The following SMG6 variants were observed in gnomAD, a reference collection of about 807,000 sequenced individuals.
SMG6 encodes SMG6 nonsense mediated mRNA decay factor.
SMG6 carries 66 observed loss-of-function variants against 142.2 expected under a neutral mutation model. That is an observed-to-expected ratio of 0.46 (90% CI 0.38 to 0.57). The LOEUF is 0.57. Ranked by LOEUF, SMG6 falls within the 20% of genes least tolerant of loss-of-function variation. The probability of loss-of-function intolerance (pLI) is 0.00; values close to 1 mark genes in which losing one functional copy is unlikely to be tolerated. For missense variants in SMG6, 1,793 were observed against 1,832.0 expected, an observed-to-expected ratio of 0.98 and a Z score of 0.39; for synonymous variants, 779 against 702.4, an observed-to-expected ratio of 1.11 and a Z score of -1.72.
intron 13 of SMG6, chr17:2,088,709 A>G: frequency 1.0e-6 from 1 of 985,432 alleles, no homozygotes; most frequent in Non-Finnish European, 1.2e-6. Context: ...GGGAGTGAGA[A>G]GTGCACAGTC....
intron 10 of SMG6, among the ~76,000 whole-genome samples, chr17:2,191,016 A>T (rs1212645614): frequency 6.6e-6 from 1 of 152,232 alleles, no homozygotes; most frequent in African/African-American, 2.4e-5. Flanking sequence ...TCCATGGCTC[A>T]GTAGTACCTC....
At chr17:2,124,938 T>G (rs748537755) in intron 13 of SMG6, among the ~76,000 whole-genome samples, 1 of 152,166 alleles carries the variant, frequency 6.6e-6, no homozygotes, top group Non-Finnish European at 1.5e-5. Flanking sequence ...GCTGTTCCCA[T>G]GAGAACCCCA....
intron 8 of SMG6, among the ~76,000 whole-genome samples, chr17:2,282,009 A>C (rs1478378813): frequency 6.6e-6 from 1 of 152,244 alleles, no homozygotes; most frequent in African/African-American, 2.4e-5. Flanking sequence ...TGTGCACCCC[A>C]AAAACAGAAG....
intron 12 of SMG6, among the ~76,000 whole-genome samples, chr17:2,179,673 G>A (rs1000880495): frequency 6.6e-6 from 1 of 152,104 alleles, no homozygotes; most frequent in African/African-American, 2.4e-5. Context: ...AGAATGCGAA[G>A]GTCTGGGCAG....
intron 15 of SMG6, among the ~76,000 whole-genome samples, chr17:2,075,529 G>C (rs2068233518): frequency 6.6e-6 from 1 of 152,228 alleles, no homozygotes; most frequent in Non-Finnish European, 1.5e-5. Flanking sequence ...AGGCAGTGAG[G>C]AAGCGGGGGA....
At chr17:2,087,053 C>G in intron 13 of SMG6, 1 of 1,290,502 alleles carries the variant, frequency 7.7e-7, no homozygotes, top group Non-Finnish European at 1.0e-6. Context: ...CTTCTATCTG[C>G]AGCACATAGG....
chr17:2,170,738 A>G (rs2071478472), intron 13 of SMG6, among the ~76,000 whole-genome samples: 1 of 152,222 alleles, frequency 6.6e-6, no homozygotes, highest in African/African-American at 2.4e-5. Context: ...TGAGTTTTTG[A>G]TATATCAATG....
chr17:2,075,098 T>C (rs1334920818), intron 15 of SMG6, among the ~76,000 whole-genome samples: 16 of 152,202 alleles, frequency 1.1e-4, no homozygotes, highest in Non-Finnish European at 2.4e-4. Context: ...GGCCTGGTGC[T>C]GTGCTGGCTC....
chr17:2,185,419 A>G (rs573449416), intron 12 of SMG6, among the ~76,000 whole-genome samples: 9 of 152,168 alleles, frequency 5.9e-5, no homozygotes, highest in Non-Finnish European at 8.8e-5. Context: ...GGGGTTCCAC[A>G]ACACTCTGTA....
chr17:2,254,020 A>T (rs1358846945), intron 8 of SMG6, among the ~76,000 whole-genome samples: 1 of 152,220 alleles, frequency 6.6e-6, no homozygotes, highest in Admixed American at 6.5e-5. Flanking sequence ...TGGTGTGACA[A>T]TCTGTAACAA....
intron 13 of SMG6, chr17:2,127,568 G>C (rs2069940424): frequency 1.7e-6 from 1 of 590,018 alleles, no homozygotes; most frequent in Non-Finnish European, 3.4e-6. Context: ...CTATCTCTCT[G>C]GGTGACGGCC....
At chr17:2,119,989 G>C (rs141394427) in intron 13 of SMG6, among the ~76,000 whole-genome samples, 1 of 152,034 alleles carries the variant, frequency 6.6e-6, no homozygotes, top group Non-Finnish European at 1.5e-5. Context: ...TATATTTTTA[G>C]TAGAGAAACG....
intron 12 of SMG6, among the ~76,000 whole-genome samples, chr17:2,176,110 A>C (rs2071646168): frequency 2.0e-5 from 3 of 152,212 alleles, no homozygotes; most frequent in Admixed American, 2.0e-4. Flanking sequence ...AGGATGAGGT[A>C]ATTCCTGGAA....
intron 12 of SMG6, among the ~76,000 whole-genome samples, chr17:2,180,404 G>A (rs138599857): frequency 2.8e-3 from 420 of 152,254 alleles, no homozygotes; most frequent in South Asian, 5.4e-3. Context: ...AATCCCTAAC[G>A]GGTACAACTG....
chr17:2,239,028 G>A (rs1231157557), intron 9 of SMG6, among the ~76,000 whole-genome samples: 1 of 152,128 alleles, frequency 6.6e-6, no homozygotes, highest in Admixed American at 6.5e-5. Context: ...GGCTCAGTAG[G>A]TGGTTTCTGG....
intron 10 of SMG6, among the ~76,000 whole-genome samples, chr17:2,220,195 C>G (rs192586397): frequency 3.3e-5 from 5 of 152,212 alleles, no homozygotes; most frequent in African/African-American, 1.2e-4. Flanking sequence ...TGAGCCACCA[C>G]GCTTGGCCTA....
intron 10 of SMG6, among the ~76,000 whole-genome samples, chr17:2,206,325 C>T (rs1175887618): frequency 6.6e-6 from 1 of 151,800 alleles, no homozygotes; most frequent in Non-Finnish European, 1.5e-5. Context: ...TGGCTCATGC[C>T]TATTAACCCC....
intron 10 of SMG6, among the ~76,000 whole-genome samples, chr17:2,222,398 A>C (rs1374766396): frequency 6.6e-6 from 1 of 151,898 alleles, no homozygotes; most frequent in African/African-American, 2.4e-5. Context: ...AGAACATTCC[A>C]AACAGAGAAA....
chr17:2,073,073 TTTTTG>T (rs202210323), intron 15 of SMG6: 133 of 152,258 alleles, frequency 8.7e-4, no homozygotes, highest in Non-Finnish European at 1.1e-3. Context: ...TGATGTGTTT[TTTTTG>T]TTTTGTTTTG....
Sources: allele counts gnomAD v4.1 joint callset (sites outside exome capture counted in the v4.1 genomes callset), GRCh38; gene constraint gnomAD v4.1.1; transcripts MANE v1.5; gene names NCBI Gene and HGNC (gene_info 2026-07-23, HGNC 2026-07-21).